The following NRXN1 variants were observed in gnomAD, a reference collection of about 807,000 sequenced individuals.
NRXN1 encodes neurexin 1.
NRXN1 carries 39 observed loss-of-function variants against 150.9 expected under a neutral mutation model. That is an observed-to-expected ratio of 0.26 (90% CI 0.20 to 0.34). The LOEUF (loss-of-function observed/expected upper bound fraction) is 0.34, where lower values mean the gene tolerates loss of function less well. Among genes scored for constraint, NRXN1 ranks in the 10% least tolerant of loss-of-function variants. NRXN1 has a pLI of 1.00. For synonymous variants in NRXN1, 924 were observed against 757.0 expected (o/e 1.22, Z -3.62); for missense variants, 1,815 against 1,949.9 (o/e 0.93, Z 1.30).
chr2:50,627,330 G>C (rs879186698), intron 5 of NRXN1, among the ~76,000 whole-genome samples: 1 of 149,454 alleles, frequency 6.7e-6, no homozygotes, highest in Admixed American at 6.7e-5. Flanking sequence ...TTTGATGATA[G>C]GTAGTCAAGT....
At chr2:50,888,671 T>C (rs1312721545) in intron 5 of NRXN1, among the ~76,000 whole-genome samples, 2 of 151,682 alleles carry the variant, frequency 1.3e-5, no homozygotes. Flanking sequence ...GCTTGAATTT[T>C]ATGCCAAAAT....
intron 5 of NRXN1, among the ~76,000 whole-genome samples, chr2:50,856,315 A>G (rs1675265925): frequency 6.6e-6 from 1 of 152,016 alleles, no homozygotes; most frequent in Non-Finnish European, 1.5e-5. Context: ...ACTTACTGGT[A>G]TTACTCATGC....
At chr2:50,229,022 A>G (rs543119393) in intron 18 of NRXN1, among the ~76,000 whole-genome samples, 1 of 152,184 alleles carries the variant, frequency 6.6e-6, no homozygotes, top group Non-Finnish European at 1.5e-5. Context: ...TTTCATCAGA[A>G]GAATTTTCTC....
In NRXN1 at chr2:50,244,308, A is replaced by G. The variant is rs917194684; in HGVS notation, c.3365-7338T>C. 4.6e-5 allele frequency among the ~76,000 whole-genome samples: 7 copies of G among 151,818 alleles called. No individual in the cohort carries two copies. The Admixed American group carries it at 4.6e-4, about 10-fold the overall frequency. The stretch of plus-strand genomic sequence containing the variant: ...CAATATCCTAGACATTCATTCAGAA[A>G]CACCACCAATAGCAGCAAAGACTGC... On this transcript the variant is annotated intron_variant, in intron 17 of 22. Coordinates refer to ENST00000401669, the MANE Select transcript of NRXN1 (RefSeq NM_001330078.2).
intron 17 of NRXN1, among the ~76,000 whole-genome samples, chr2:50,373,565 T>C (rs2080195105): frequency 1.4e-5 from 2 of 147,360 alleles, no homozygotes; most frequent in Non-Finnish European, 3.0e-5. Flanking sequence ...TCAATTTTTA[T>C]AGAGAGCCCT....
At chr2:49,980,514 CAG>C in intron 21 of NRXN1, among the ~76,000 whole-genome samples, 1 of 152,222 alleles carries the variant, frequency 6.6e-6, no homozygotes, top group Non-Finnish European at 1.5e-5. Context: ...AGCTTCACAG[CAG>C]AGAGGAAAAA....
chr2:50,719,731 A>C (rs906448538), intron 5 of NRXN1, among the ~76,000 whole-genome samples: 1 of 152,162 alleles, frequency 6.6e-6, no homozygotes, highest in Admixed American at 6.6e-5. Context: ...CATTGGATTT[A>C]TTCTTGATTG....
At chr2:50,294,222 T>C (rs1416307015) in intron 17 of NRXN1, among the ~76,000 whole-genome samples, 2 of 152,168 alleles carry the variant, frequency 1.3e-5, no homozygotes, top group African/African-American at 4.8e-5. Context: ...TACAATACTT[T>C]AGGGAATGAT....
chr2:50,166,102 A>C (rs977694934), intron 18 of NRXN1, among the ~76,000 whole-genome samples: 1 of 152,140 alleles, frequency 6.6e-6, no homozygotes, highest in Middle Eastern at 3.2e-3. Flanking sequence ...ATAATCTGAA[A>C]CTTTGCAGCC....
intron 18 of NRXN1, among the ~76,000 whole-genome samples, chr2:50,223,097 T>C (rs1187175548): frequency 3.9e-5 from 6 of 151,962 alleles, no homozygotes; most frequent in East Asian, 1.9e-4. Context: ...TGTCATAAAA[T>C]ATTATTGGCC....
intron 5 of NRXN1, among the ~76,000 whole-genome samples, chr2:50,686,379 G>C (rs1219234155): frequency 6.6e-6 from 1 of 151,994 alleles, no homozygotes; most frequent in Non-Finnish European, 1.5e-5. Flanking sequence ...TCACACTCCT[G>C]AGTCTTTCTA....
At chr2:50,845,295 G>A (rs1673474284) in intron 5 of NRXN1, among the ~76,000 whole-genome samples, 1 of 152,074 alleles carries the variant, frequency 6.6e-6, no homozygotes. Context: ...TACCATCTAC[G>A]AACACTTACT....
intron 18 of NRXN1, among the ~76,000 whole-genome samples, chr2:50,106,172 T>C (rs531434531): frequency 6.6e-6 from 1 of 151,720 alleles, no homozygotes; most frequent in East Asian, 1.9e-4. Flanking sequence ...TGTTTTATTT[T>C]TATCTTAGTT....
rs757651915 is a variant in NRXN1 at position 51,026,347 on chromosome 2, G to C, written c.772+1155C>G. 2.7e-6 allele frequency: 4 copies of C among 1,479,286 alleles called. No homozygotes were observed. The African/African-American group carries it at 4.2e-5, about 15-fold the overall frequency. 91.6% of individuals were successfully genotyped at this position (1,479,286 alleles called of 1,614,324 possible). A position where few individuals can be genotyped will look rare whatever the true frequency, so the allele number is the denominator to read the frequency against. On this transcript the variant is annotated intron_variant, in intron 2 of 22. Coordinates refer to ENST00000401669, the MANE Select transcript of NRXN1 (RefSeq NM_001330078.2). ...ACATCTCCTACTTAGCCACTGATTC[G>C]TCTTTTTCACACCACTCACTCACTT...
At chr2:50,487,196 T>C (rs2090935523) in intron 15 of NRXN1, among the ~76,000 whole-genome samples, 1 of 152,142 alleles carries the variant, frequency 6.6e-6, no homozygotes, top group South Asian at 2.1e-4. Context: ...ATGATGGTGA[T>C]GATGATGGTG....
intron 17 of NRXN1, among the ~76,000 whole-genome samples, chr2:50,255,587 C>T (rs921530800): frequency 3.9e-5 from 6 of 152,094 alleles, no homozygotes; most frequent in East Asian, 1.9e-4. Context: ...TTGAAACATA[C>T]GTCCTTAAGC....
At chr2:50,536,385 A>C (rs938716465) in intron 10 of NRXN1, among the ~76,000 whole-genome samples, 4 of 152,216 alleles carry the variant, frequency 2.6e-5, no homozygotes, top group Non-Finnish European at 5.9e-5. Context: ...TTGCTATTAA[A>C]TTCTCATTTA....
intron 2 of NRXN1, among the ~76,000 whole-genome samples, chr2:50,972,220 TA>T (rs1368930355): frequency 3.3e-5 from 5 of 151,916 alleles, no homozygotes; most frequent in Admixed American, 6.6e-5. Context: ...GGTTCATACT[TA>T]AAAAAAACTC....
At chr2:50,573,789 T>C (rs980826099) in intron 8 of NRXN1, among the ~76,000 whole-genome samples, 18 of 151,478 alleles carry the variant, frequency 1.2e-4, no homozygotes, top group Admixed American at 4.6e-4. Flanking sequence ...ATGATACAAA[T>C]AAACAATGCA....
Sources: allele counts gnomAD v4.1 joint callset (sites outside exome capture counted in the v4.1 genomes callset), GRCh38; gene constraint gnomAD v4.1.1; transcripts MANE v1.5; gene names NCBI Gene and HGNC (gene_info 2026-07-23, HGNC 2026-07-21).